ABCC9: variants seen among roughly 807,000 people sequenced by gnomAD.
ABCC9 encodes the protein ATP-binding cassette sub-family C member 9.
Under a neutral mutation model 188.3 loss-of-function variants are expected in ABCC9, and 95 were observed. The ratio of observed to expected loss-of-function variants is 0.50; its 90% confidence interval spans 0.43 to 0.60. The LOEUF (loss-of-function observed/expected upper bound fraction) is 0.60, where lower values mean the gene tolerates loss of function less well. Among genes scored for constraint, ABCC9 ranks in the 20% least tolerant of loss-of-function variants. ABCC9 has a pLI of 0.00. For missense variants in ABCC9, 1,102 were observed against 1,876.3 expected, an observed-to-expected ratio of 0.59 and a Z score of 7.62; for synonymous variants, 659 against 652.7, an observed-to-expected ratio of 1.01 and a Z score of -0.15.
intron 30 of ABCC9, among the ~76,000 whole-genome samples, chr12:21,831,585 A>G (rs1417159808): frequency 1.3e-5 from 2 of 152,158 alleles, no homozygotes; most frequent in Admixed American, 6.5e-5. Flanking sequence ...CACCAAGCAG[A>G]GGATCAGCAC....
chr12:21,818,041 G>T, intron 32 of ABCC9, 109 bp downstream of exon 32: 1 of 746,912 alleles, frequency 1.3e-6, no homozygotes, highest in Non-Finnish European at 2.3e-6. Context: ...CCTGGTATGT[G>T]TAATTCCCCT....
chr12:21,861,600 A>G (rs933348366), intron 20 of ABCC9, among the ~76,000 whole-genome samples: 5 of 152,130 alleles, frequency 3.3e-5, no homozygotes, highest in African/African-American at 1.2e-4. Context: ...ATGAAAGTTT[A>G]CCTTGTTAGG....
chr12:21,887,470 T>C (rs1158327911), intron 15 of ABCC9, among the ~76,000 whole-genome samples: 1 of 152,180 alleles, frequency 6.6e-6, no homozygotes, highest in Non-Finnish European at 1.5e-5. Flanking sequence ...TCAGAAAATA[T>C]GTTTTAAACT....
intron 30 of ABCC9, chr12:21,831,021 C>T (rs568108211): frequency 8.1e-6 from 1 of 123,902 alleles, no homozygotes; most frequent in South Asian, 2.7e-4. Context: ...TATCATCAAT[C>T]TATCATCTCT....
chr12:21,933,674 A>G (rs1165085762), intron 4 of ABCC9, 108 bp downstream of exon 4: 2 of 1,375,054 alleles, frequency 1.5e-6, no homozygotes, highest in Non-Finnish European at 1.0e-6. Context: ...ATCAGAGAGC[A>G]AAAAATATAA....
rs879169340 is a variant in ABCC9, at chr12:21,875,614, T to G, written c.2092+40A>C. ...TTATCTTGGAAAACTATGGTTACGGTCATGAACAATTACAAAAATGCATAA... is the reference window on the plus strand; with the variant it reads ...TTATCTTGGAAAACTATGGTTACGGGCATGAACAATTACAAAAATGCATAA... On this transcript the variant is annotated intron_variant, in intron 17 of 39. Coordinates refer to ENST00000261200, the MANE Select transcript of ABCC9 (RefSeq NM_020297.4). The G allele has an allele frequency of 4.9e-6, 7 of 1,423,732 alleles. No individual in the cohort carries two copies. In the South Asian group the frequency reaches 5.7e-5, roughly 12 times the overall value. 88.2% of individuals were successfully genotyped at this position (1,423,732 alleles called of 1,614,324 possible).
At chr12:21,904,702 A>T (rs1947946458) in intron 12 of ABCC9, among the ~76,000 whole-genome samples, 1 of 152,242 alleles carries the variant, frequency 6.6e-6, no homozygotes, top group South Asian at 2.1e-4. Context: ...TGGCCATCAG[A>T]GAAATGCAAA....
chr12:21,824,597 T>G (rs996807338), intron 31 of ABCC9, among the ~76,000 whole-genome samples: 1 of 152,220 alleles, frequency 6.6e-6, no homozygotes. Flanking sequence ...TCCAGTAGAA[T>G]TTGGCTGTGA....
chr12:21,874,633 A>G (rs780566843), intron 17 of ABCC9, among the ~76,000 whole-genome samples: 29 of 152,320 alleles, frequency 1.9e-4, no homozygotes, highest in Non-Finnish European at 3.5e-4. Context: ...AGATGAATGA[A>G]TAAAGAAAAT....
chr12:21,801,450 CCTT>C (rs1591914790), intron 39 of ABCC9, among the ~76,000 whole-genome samples: 1 of 151,720 alleles, frequency 6.6e-6, no homozygotes, highest in Admixed American at 6.6e-5. Context: ...TTTCATGAAA[CCTT>C]AAGTTTAAGT....
At chr12:21,910,749 G>C in intron 9 of ABCC9, 77 bp downstream of exon 9, 1 of 1,356,466 alleles carries the variant, frequency 7.4e-7, no homozygotes, top group African/African-American at 1.5e-5. Flanking sequence ...AAACAAAACT[G>C]AAGCTACCGC....
intron 38 of ABCC9, 97 bp from the exon 39 acceptor site, chr12:21,806,157 G>T: frequency 9.3e-7 from 1 of 1,077,926 alleles, no homozygotes; most frequent in African/African-American, 1.6e-5. Flanking sequence ...TCCCTTGTGA[G>T]CATTCTCAAT....
intron 12 of ABCC9, among the ~76,000 whole-genome samples, chr12:21,903,736 C>A (rs545693247): frequency 2.0e-5 from 3 of 152,220 alleles, no homozygotes; most frequent in Non-Finnish European, 2.9e-5. Context: ...ATATGAAGGA[C>A]CTCTTCAAGG....
At chr12:21,937,521 G>A (rs1224992174) in intron 2 of ABCC9, among the ~76,000 whole-genome samples, 1 of 152,084 alleles carries the variant, frequency 6.6e-6, no homozygotes, top group Non-Finnish European at 1.5e-5. Flanking sequence ...CCGGGGCAGA[G>A]GAGTGACGTG....
In ABCC9 at chr12:21,812,044, C is replaced by G; in HGVS notation, c.4211+5G>C. 1.3e-6 allele frequency: 2 copies of G among 1,587,084 alleles called. No homozygotes were observed. The highest frequency in any genetic ancestry group is 1.7e-6 in the Non-Finnish European group (2 of 1,155,738). ...CATACAGGTGTTGCTAAATATGTTA[C>G]CTACCTAATGGAACCACTGAATAGT... On this transcript the variant is annotated splice_donor_5th_base_variant and intron_variant, in intron 36 of 39. Coordinates refer to ENST00000261200, the MANE Select transcript of ABCC9 (RefSeq NM_020297.4).
chr12:21,814,620 T>C (rs1272544366), intron 35 of ABCC9, 24 bp downstream of exon 35: 2 of 1,607,294 alleles, frequency 1.2e-6, no homozygotes, highest in East Asian at 2.2e-5. Context: ...AGTGGCCACT[T>C]AAAAAATTTA....
At chr12:21,885,246 C>A (rs998930193) in intron 15 of ABCC9, among the ~76,000 whole-genome samples, 4 of 152,242 alleles carry the variant, frequency 2.6e-5, no homozygotes, top group Admixed American at 6.5e-5. Flanking sequence ...AAACACACAG[C>A]TTTTTTCACT....
intron 2 of ABCC9, among the ~76,000 whole-genome samples, chr12:21,939,918 A>G (rs1032840392): frequency 1.3e-5 from 2 of 152,244 alleles, no homozygotes; most frequent in African/African-American, 4.8e-5. Context: ...AATGCATTAC[A>G]TGAAATTCCA....
intron 29 of ABCC9, among the ~76,000 whole-genome samples, chr12:21,839,440 A>G (rs1261886590): frequency 6.6e-6 from 1 of 152,220 alleles, no homozygotes; most frequent in African/African-American, 2.4e-5. Flanking sequence ...CCTTGCCTTC[A>G]TGGAACTTCC....
Sources: gnomAD v4.1 joint callset for allele counts (sites outside exome capture counted in the v4.1 genomes callset) on GRCh38, gnomAD v4.1.1 for gene constraint, MANE v1.5 for transcripts, NCBI Gene and HGNC (gene_info 2026-07-23, HGNC 2026-07-21) for gene names.